GRID2: variants seen among roughly 807,000 people sequenced by gnomAD.
GRID2 encodes the protein glutamate ionotropic receptor delta type subunit 2, also known as glutamate receptor ionotropic, delta-2.
A neutral mutation model predicts 114.8 loss-of-function variants in GRID2; 33 were observed. The observed-to-expected ratio is 0.29, with a 90% CI of 0.22 to 0.38. The LOEUF (loss-of-function observed/expected upper bound fraction) is 0.38. Among genes scored for constraint, GRID2 ranks in the 10% least tolerant of loss-of-function variants. The pLI is 1.00. For missense variants in GRID2, 1,184 were observed against 1,257.7 expected (o/e 0.94, Z 0.89); for synonymous variants, 505 against 449.9 (o/e 1.12, Z -1.55).
rs71599281 is a variant in GRID2 at position 93,453,361 on chromosome 4, T to A, written c.1546-2301T>A. Among the ~76,000 whole-genome samples the A allele has an allele frequency of 6.0e-3, 600 of 99,542 alleles. 4 individuals carry two copies. The East Asian group carries it at 0.06, about 10-fold the overall frequency. 65.3% of individuals were successfully genotyped at this position (99,542 alleles called of 152,430 possible). A position where few individuals can be genotyped will look rare whatever the true frequency, so the allele number is the denominator to read the frequency against. On this transcript the variant is annotated intron_variant, in intron 10 of 15. Transcript: ENST00000282020. ...GAGAGAGAGAGAGAGAGAGAGAGAG[T>A]GTGTGTATTTGTTAGAAAAAGTTCA...
intron 1 of GRID2, among the ~76,000 whole-genome samples, chr4:92,358,925 A>G (rs1163138111): frequency 1.3e-5 from 2 of 151,944 alleles, no homozygotes; most frequent in African/African-American, 4.8e-5. Flanking sequence ...ACTTGCATGT[A>G]TCAACTAATT....
intron 1 of GRID2, among the ~76,000 whole-genome samples, chr4:92,391,808 G>A (rs1674973896): frequency 6.6e-6 from 1 of 152,058 alleles, no homozygotes; most frequent in South Asian, 2.1e-4. Flanking sequence ...AAACATAATA[G>A]CAAGTTGAGT....
intron 7 of GRID2, among the ~76,000 whole-genome samples, chr4:93,225,991 A>T (rs1267122197): frequency 6.6e-6 from 1 of 152,132 alleles, no homozygotes; most frequent in Non-Finnish European, 1.5e-5. Flanking sequence ...CACTCCCATT[A>T]TATGGGCATT....
At chr4:93,405,248 C>A (rs1327344673) in intron 9 of GRID2, among the ~76,000 whole-genome samples, 1 of 152,096 alleles carries the variant, frequency 6.6e-6, no homozygotes, top group Admixed American at 6.6e-5. Context: ...ATGGCCTATG[C>A]AAATGATGTA....
At chr4:93,637,995 A>C (rs542912994) in intron 14 of GRID2, among the ~76,000 whole-genome samples, 2 of 152,230 alleles carry the variant, frequency 1.3e-5, no homozygotes, top group African/African-American at 4.8e-5. Flanking sequence ...AATTATTACT[A>C]AGATAAAAAT....
intron 2 of GRID2, among the ~76,000 whole-genome samples, chr4:92,913,748 A>C (rs1057502340): frequency 6.6e-6 from 1 of 151,958 alleles, no homozygotes; most frequent in South Asian, 2.1e-4. Context: ...TCTGTATGTT[A>C]ACAAAAAAGA....
At chr4:92,430,319 A>G (rs1398290339) in intron 1 of GRID2, among the ~76,000 whole-genome samples, 2 of 152,148 alleles carry the variant, frequency 1.3e-5, no homozygotes, top group Non-Finnish European at 2.9e-5. Flanking sequence ...TTTTCTGCAT[A>G]TGAATATCTA....
chr4:92,973,473 G>T (rs1485118534), intron 2 of GRID2, among the ~76,000 whole-genome samples: 1 of 152,158 alleles, frequency 6.6e-6, no homozygotes, highest in Non-Finnish European at 1.5e-5. Context: ...TTGCTAAAGA[G>T]AATTCAGTTT....
intron 2 of GRID2, among the ~76,000 whole-genome samples, chr4:92,744,439 G>T (rs1028174474): frequency 2.0e-5 from 3 of 146,518 alleles, no homozygotes; most frequent in Non-Finnish European, 4.5e-5. Context: ...AGTGAGCTGA[G>T]ATCACGCTAC....
chr4:92,480,419 T>C (rs1722526486), intron 1 of GRID2, among the ~76,000 whole-genome samples: 1 of 152,180 alleles, frequency 6.6e-6, no homozygotes, highest in Non-Finnish European at 1.5e-5. Flanking sequence ...TCTATAACTA[T>C]GGGTGAGCTT....
intron 2 of GRID2, among the ~76,000 whole-genome samples, chr4:93,046,170 T>C (rs575726692): frequency 3.9e-5 from 6 of 152,264 alleles, no homozygotes; most frequent in African/African-American, 1.4e-4. Context: ...CATCTTCCTA[T>C]AACCATGAAA....
intron 1 of GRID2, among the ~76,000 whole-genome samples, chr4:92,560,971 A>C (rs571028149): frequency 1.3e-5 from 2 of 152,086 alleles, no homozygotes; most frequent in African/African-American, 4.8e-5. Flanking sequence ...GCCTCCCAAA[A>C]TGCTGGGATT....
In GRID2 at chr4:92,442,969, C is replaced by T. The variant is rs535036516; in HGVS notation, c.88+138225C>T. Among the ~76,000 whole-genome samples the T allele has an allele frequency of 7.9e-5, 12 of 152,048 alleles. No individual in the cohort carries two copies. The South Asian group carries it at 8.3e-4, about 11-fold the overall frequency. On this transcript the variant is annotated intron_variant, in intron 1 of 15. Transcript: ENST00000282020. ...ATAAAAAGATTATAGGGTGGAGGAG[C>T]GGAGGCTGAGGAAGAATTGGGACCT... is the stretch of plus-strand genomic sequence containing the variant.
At position 93,370,489 on chromosome 4, in the gene GRID2, A is replaced by ACG. The variant is rs1491088039; in HGVS notation, c.1246-25116_1246-25115dup. ...CACGCACACAGAGACACACACACAC[A>ACG]CGCACACACACACACACGCACACAC... On this transcript the variant is annotated intron_variant, in intron 8 of 15. Coordinates refer to ENST00000282020, the MANE Select transcript of GRID2 (RefSeq NM_001510.4). Among the ~76,000 whole-genome samples the ACG allele has an allele frequency of 2.7e-5, 4 of 146,912 alleles. No homozygotes were observed. In the East Asian group the frequency reaches 7.8e-4, roughly 29 times the overall value.
intron 1 of GRID2, among the ~76,000 whole-genome samples, chr4:92,401,604 G>A (rs1444401442): frequency 1.3e-5 from 2 of 152,140 alleles, no homozygotes; most frequent in African/African-American, 4.8e-5. Flanking sequence ...TATACTGTAT[G>A]TCTACAATAT....
intron 2 of GRID2, among the ~76,000 whole-genome samples, chr4:92,942,536 G>T (rs1187917056): frequency 6.6e-6 from 1 of 152,126 alleles, no homozygotes; most frequent in Admixed American, 6.5e-5. Flanking sequence ...TTGCCAGACT[G>T]TGTCTTTTAA....
At chr4:93,644,301 C>T (rs529408488) in intron 14 of GRID2, among the ~76,000 whole-genome samples, 1,194 of 48,850 alleles carry the variant, frequency 0.024, 432 homozygotes, top group African/African-American at 0.2. Flanking sequence ...AGCTGTAGAC[C>T]GGAGCTGTTC....
At chr4:93,261,318 G>C (rs1336652234) in intron 8 of GRID2, among the ~76,000 whole-genome samples, 3 of 151,892 alleles carry the variant, frequency 2.0e-5, no homozygotes, top group Non-Finnish European at 4.4e-5. Context: ...ATTAGGAACT[G>C]TCAAAAGACA....
chr4:93,565,011 GCT>G (rs983949100), intron 13 of GRID2, among the ~76,000 whole-genome samples: 4 of 151,762 alleles, frequency 2.6e-5, no homozygotes, highest in African/African-American at 9.7e-5. Context: ...ATATTATATG[GCT>G]TTTGAAATAA....
Sources: gnomAD v4.1 joint callset for allele counts (sites outside exome capture counted in the v4.1 genomes callset) on GRCh38, gnomAD v4.1.1 for gene constraint, MANE v1.5 for transcripts, NCBI Gene and HGNC (gene_info 2026-07-23, HGNC 2026-07-21) for gene names.